Variants in ZC3H4 observed in about 807,000 individuals in gnomAD.
ZC3H4 encodes the protein zinc finger CCCH domain-containing protein 4.
Under a neutral mutation model 108.3 loss-of-function variants are expected in ZC3H4, and 13 were observed. The observed-to-expected ratio is 0.12, with a 90% CI of 0.08 to 0.19. ZC3H4 has a LOEUF of 0.19. Among genes scored for constraint, ZC3H4 ranks in the 10% least tolerant of loss-of-function variants. The probability of loss-of-function intolerance (pLI) is 1.00; values close to 1 mark genes in which losing one functional copy is unlikely to be tolerated. For synonymous variants in ZC3H4, 917 were observed against 749.6 expected (o/e 1.22, Z -3.65); for missense variants, 1,734 against 1,838.8 (o/e 0.94, Z 1.04).
chr19:47,072,075 T>C lies in ZC3H4; in HGVS notation c.1849A>G (p.Asn617Asp). Residue 617 changes from asparagine to aspartate, a missense_variant, in exon 13 of 15, where the codon AAC becomes GAC. Coordinates refer to ENST00000253048, the MANE Select transcript of ZC3H4 (RefSeq NM_015168.2). This position sits in a 1 kb window ranked among gnomAD's most constrained non-coding sequence, Gnocchi z 5.6. Reference sequence around the variant, plus strand: ...CCCATTGGCCCTGGGGGTCCCATGTTGGGCCCAGGGCCCATTGGCCCTGGG... The same window carrying C: ...CCCATTGGCCCTGGGGGTCCCATGTCGGGCCCAGGGCCCATTGGCCCTGGG... ...GPPGPMGPGP[N>D]MGPPGPMGGP... The C allele has an allele frequency of 6.3e-7, 1 of 1,577,190 alleles. No homozygotes were observed. Among genetic ancestry groups the C allele is most frequent in the East Asian group, 2.3e-5 (1 of 43,080 alleles).
chr19:47,078,820 T>C lies in ZC3H4; in HGVS notation c.1440+2693A>G, dbSNP rs899017115. Reference sequence around the variant, plus strand: ...GTTGCAGTGAGCCGAGATGGTGCCATTGCACTTCAGCCTGGGCGAAAGAGT... The same window carrying C: ...GTTGCAGTGAGCCGAGATGGTGCCACTGCACTTCAGCCTGGGCGAAAGAGT... On this transcript the variant is annotated intron_variant, in intron 11 of 14. Coordinates refer to ENST00000253048, the MANE Select transcript of ZC3H4 (RefSeq NM_015168.2). Among the ~76,000 whole-genome samples the C allele has an allele frequency of 1.6e-4, 24 of 152,008 alleles. 1 individual carries two copies. The highest frequency in any genetic ancestry group is 6.2e-4 in the South Asian group (3 of 4,814).
At chr19:47,090,878 G>C (rs1019352794) in intron 4 of ZC3H4, among the ~76,000 whole-genome samples, 1 of 152,168 alleles carries the variant, frequency 6.6e-6, no homozygotes, top group Non-Finnish European at 1.5e-5. Context: ...ATTGGTAATG[G>C]GAAACTGGAG....
intron 2 of ZC3H4, among the ~76,000 whole-genome samples, chr19:47,111,759 T>C (rs2058041979): frequency 6.7e-6 from 1 of 149,770 alleles, no homozygotes; most frequent in Non-Finnish European, 1.5e-5. Flanking sequence ...ACAAGTGCTA[T>C]AGAGCACCCA....
At chr19:47,076,992 C>G (rs1277579237) in intron 11 of ZC3H4, among the ~76,000 whole-genome samples, 1 of 150,312 alleles carries the variant, frequency 6.7e-6, no homozygotes. Flanking sequence ...GACTCCGTCT[C>G]AAAAAAAAAT....
rs753968475 is a variant in ZC3H4, at chr19:47,072,720, G to A, written c.1441-7C>T. 3.7e-6 allele frequency: 6 copies of A among 1,613,268 alleles called. No homozygotes were observed. Among genetic ancestry groups the A allele is most frequent in the Non-Finnish European group, 5.1e-6 (6 of 1,179,958 alleles). On this transcript the variant is annotated splice_polypyrimidine_tract_variant and splice_region_variant and intron_variant, in intron 11 of 14. Transcript: ENST00000253048. This position sits in a 1 kb window ranked among gnomAD's most constrained non-coding sequence, Gnocchi z 5.6. ...CTGCATCATCGGCCAACATCTGCGGGTGTGAAAGAACAAAAGAAGGTGTGG... is the reference window on the plus strand; with the variant it reads ...CTGCATCATCGGCCAACATCTGCGGATGTGAAAGAACAAAAGAAGGTGTGG...
At position 47,068,972 on chromosome 19, in the gene ZC3H4, G is replaced by A. The variant is rs948096456; in HGVS notation, c.2398+120C>T. The A allele has an allele frequency of 7.1e-6, 11 of 1,544,580 alleles. No individual in the cohort carries two copies. The African/African-American group carries it at 1.4e-4, about 19-fold the overall frequency. On this transcript the variant is annotated intron_variant, in intron 14 of 14. Coordinates refer to ENST00000253048, the MANE Select transcript of ZC3H4 (RefSeq NM_015168.2). ...GCCCGGCTTCATGGCCCTGGACAGG[G>A]GTCCTCCCTAGCCATGGGCTCCTTC...
chr19:47,076,380 T>C (rs1427282320), intron 11 of ZC3H4, among the ~76,000 whole-genome samples: 1 of 152,212 alleles, frequency 6.6e-6, no homozygotes, highest in African/African-American at 2.4e-5. Flanking sequence ...CCCATAATTC[T>C]ATTTATATGA....
Position 47,069,313 on chromosome 19 carries a change from C to G in ZC3H4, c.2177G>C (p.Gly726Ala). The change falls in exon 14 of 15, where the codon GGG (glycine) becomes GCG (alanine). Residue 726 changes from glycine (G) to alanine (A), a missense_variant. Coordinates refer to ENST00000253048, the MANE Select transcript of ZC3H4 (RefSeq NM_015168.2). ...AGGGAAGAGGTGCTCCCCAGGCTCC[C>G]CTGGCAGCTCTTCGTAGTGCCCGTA... ...EDYGHYEELP[G>A]EPGEHLFPEH... The G allele has an allele frequency of 6.2e-7, 1 of 1,613,540 alleles. No individual in the cohort carries two copies. Among genetic ancestry groups the G allele is most frequent in the Non-Finnish European group, 8.5e-7 (1 of 1,179,784 alleles).
At chr19:47,087,306 A>AC in intron 5 of ZC3H4, among the ~76,000 whole-genome samples, 1 of 151,114 alleles carries the variant, frequency 6.6e-6, no homozygotes, top group East Asian at 1.9e-4. Flanking sequence ...ACAAAAAAAA[A>AC]CCCAAATGAG....
intron 4 of ZC3H4, among the ~76,000 whole-genome samples, chr19:47,092,401 G>C (rs973785857): frequency 1.3e-5 from 2 of 152,158 alleles, no homozygotes; most frequent in African/African-American, 2.4e-5. Context: ...AGGTTTGAAG[G>C]CCAAACCTAC....
Position 47,067,624 on chromosome 19 carries a change from G to T in ZC3H4, c.2644C>A (p.Pro882Thr), listed in dbSNP as rs751591118. The change falls in exon 15 of 15, where the codon CCA becomes ACA. Residue 882 changes from proline (P) to threonine (T), a missense_variant. By Grantham distance (38) the Pro-to-Thr change is conservative. Coordinates refer to ENST00000253048, the MANE Select transcript of ZC3H4 (RefSeq NM_015168.2). The surrounding 1 kb of genome is among the most constrained non-coding windows in gnomAD (Gnocchi z 6.4). ...GGATCGGAGGGTCCCGAATCACCTG[G>T]GCCAGACCCGCCAGAAGCCTCCACA... ...RHVEASGGSG[P>T]GDSGPSDPRL... The T allele has an allele frequency of 6.2e-6, 10 of 1,604,734 alleles. No homozygotes were observed. In the African/African-American group the frequency reaches 1.2e-4, roughly 19 times the overall value.
Position 47,092,598 on chromosome 19 carries a change from C to T in ZC3H4, c.492+1372G>A, listed in dbSNP as rs553036701. ...GTGGGAGGCCAAGGCGGGCGGGTCACCTGAGGTCAGGAGTTCGAGGCCAGC... is the reference window on the plus strand; with the variant it reads ...GTGGGAGGCCAAGGCGGGCGGGTCATCTGAGGTCAGGAGTTCGAGGCCAGC... On this transcript the variant is annotated intron_variant, in intron 4 of 14. Coordinates refer to ENST00000253048, the MANE Select transcript of ZC3H4 (RefSeq NM_015168.2). Among the ~76,000 whole-genome samples, 10 of 151,776 alleles carry T rather than the reference C, an allele frequency of 6.6e-5. No homozygotes were observed. In the South Asian group the frequency reaches 2.1e-3, roughly 32 times the overall value.
In ZC3H4 at chr19:47,085,381, C is replaced by A; in HGVS notation, c.904G>T (p.Asp302Tyr). Residue 302 changes from aspartate to tyrosine, a missense_variant, in exon 7 of 15, where the codon GAC becomes TAC. Around this residue, in one of 9 missense-constraint regions of ZC3H4, gnomAD observed 403 missense variants for 457.0 expected, o/e 0.88. Coordinates refer to ENST00000253048, the MANE Select transcript of ZC3H4 (RefSeq NM_015168.2). Reference sequence around the variant, plus strand: ...AGCTCCTTGGAGTACTCGTCATAGTCGTCGTCTCCCATTGGCTCCTCACTC... The same window carrying A: ...AGCTCCTTGGAGTACTCGTCATAGTAGTCGTCTCCCATTGGCTCCTCACTC... ...GESEEPMGDD[D>Y]YDEYSKELNQ... The A allele has an allele frequency of 6.2e-7, 1 of 1,600,914 alleles. No homozygotes were observed. The highest frequency in any genetic ancestry group is 2.2e-5 in the East Asian group (1 of 44,850).
At chr19:47,085,231 A>ACCCCCCC in intron 7 of ZC3H4, 36 bp from the exon 8 acceptor site, 9 of 1,560,280 alleles carry the variant, frequency 5.8e-6, no homozygotes, top group Non-Finnish European at 4.4e-6. Context: ...CCTGCTGACC[A>ACCCCCCC]CCCCCTCCCC....
intron 2 of ZC3H4, among the ~76,000 whole-genome samples, chr19:47,102,643 C>T (rs2057917894): frequency 1.3e-5 from 2 of 151,978 alleles, no homozygotes. Context: ...CCTACCCAAA[C>T]ACAAAGACAC....
intron 9 of ZC3H4, among the ~76,000 whole-genome samples, chr19:47,083,526 G>A (rs942676172): frequency 6.6e-6 from 1 of 152,014 alleles, no homozygotes; most frequent in Admixed American, 6.6e-5. Flanking sequence ...CCAACATGGC[G>A]AAACCCTGTC....
chr19:47,099,279 G>C (rs1437749783), intron 2 of ZC3H4, among the ~76,000 whole-genome samples: 1 of 152,070 alleles, frequency 6.6e-6, no homozygotes, highest in Non-Finnish European at 1.5e-5. Context: ...GACCAACATG[G>C]AGAAACTCCA....
chr19:47,094,052 G>C lies in ZC3H4; in HGVS notation c.410C>G (p.Ser137Cys). ...GAAATCCGAGTCATCTGAGAAGTCA[G>C]AGAAGTCATCGCTAGAAGAAGCATG... ...KRHASSSDDFSDFSDDSDFSP... is the reference protein window; with the variant it reads ...KRHASSSDDFCDFSDDSDFSP... The change falls in exon 4 of 15, where the codon TCT (serine) becomes TGT (cysteine). Residue 137 changes from serine (S) to cysteine (C), a missense_variant. Ser to Cys is a moderately radical substitution (Grantham distance 112). This residue lies in a region of ZC3H4 where 403 missense variants were observed against 457.0 expected (regional missense o/e 0.88). Coordinates refer to ENST00000253048, the MANE Select transcript of ZC3H4 (RefSeq NM_015168.2). 1 of 1,614,208 alleles carries C rather than the reference G, an allele frequency of 6.2e-7. No homozygotes were observed. Among genetic ancestry groups the C allele is most frequent in the Non-Finnish European group, 8.5e-7 (1 of 1,180,032 alleles).
At position 47,067,007 on chromosome 19, in the gene ZC3H4, G is replaced by A. The variant is rs765120783; in HGVS notation, c.3261C>T (p.Asp1087=). 3 of 1,596,594 alleles carry A rather than the reference G, an allele frequency of 1.9e-6. No individual in the cohort carries two copies. Among genetic ancestry groups the A allele is most frequent in the Non-Finnish European group, 2.6e-6 (3 of 1,171,490 alleles). ...TGGCAGCCCGGGAGGAGGCCGTAGA[G>A]TCTGTGGGTTTCTGCAGCCGAGGGT... ...PTDPRLQKPT[D]STASSRAAKP... is the part of the protein sequence containing the mutation. Residue 1087 remains aspartate, a synonymous_variant, in exon 15 of 15, where the codon GAC becomes GAT. Transcript: ENST00000253048. The surrounding 1 kb of genome is among the most constrained non-coding windows in gnomAD (Gnocchi z 6.4).
Sources: gnomAD v4.1 joint callset for allele counts (sites outside exome capture counted in the v4.1 genomes callset) on GRCh38, gnomAD v4.1.1 for gene constraint, gnomAD v4.1.1 regional missense constraint, Gnocchi (gnomAD v3.1) non-coding constraint, MANE v1.5 for transcripts, NCBI Gene and HGNC (gene_info 2026-07-23, HGNC 2026-07-21) for gene names.